The following ZNF407 variants were observed in gnomAD, a reference collection of about 807,000 sequenced individuals.
ZNF407 encodes zinc finger protein 407.
Under a neutral mutation model 131.2 loss-of-function variants are expected in ZNF407, and 17 were observed. That is an observed-to-expected ratio of 0.13 (90% CI 0.09 to 0.19). The LOEUF (loss-of-function observed/expected upper bound fraction) is 0.19, where lower values mean the gene tolerates loss of function less well. Among genes scored for constraint, ZNF407 ranks in the 10% least tolerant of loss-of-function variants. The pLI, the probability that ZNF407 is intolerant of heterozygous loss-of-function variation, is 1.00. For synonymous variants in ZNF407, 1,156 were observed against 1,062.0 expected, an observed-to-expected ratio of 1.09 and a Z score of -1.72; for missense variants, 2,681 against 2,830.6, an observed-to-expected ratio of 0.95 and a Z score of 1.20.
chr18:74,686,706 C>A lies in ZNF407; in HGVS notation c.4802+45584C>A, dbSNP rs78953175. Reference sequence around the variant, plus strand: ...AGATTGTAAACCACTGTTTCTAACTCTGTAGTCATTATTTTGTTATAGATG... The same window carrying A: ...AGATTGTAAACCACTGTTTCTAACTATGTAGTCATTATTTTGTTATAGATG... On this transcript the variant is annotated intron_variant, in intron 3 of 8. Coordinates refer to ENST00000299687, the MANE Select transcript of ZNF407 (RefSeq NM_017757.3). Among the ~76,000 whole-genome samples, 93 of 152,242 alleles carry A rather than the reference C, an allele frequency of 6.1e-4. No homozygotes were observed. In the Middle Eastern group the frequency reaches 0.014, roughly 22 times the overall value.
intron 3 of ZNF407, among the ~76,000 whole-genome samples, chr18:74,778,768 C>T (rs1402159213): frequency 6.6e-6 from 1 of 151,920 alleles, no homozygotes; most frequent in African/African-American, 2.4e-5. Context: ...TCTGTGTTTT[C>T]GTCATAGGTG....
At chr18:74,709,136 T>G (rs961361697) in intron 3 of ZNF407, among the ~76,000 whole-genome samples, 1 of 152,240 alleles carries the variant, frequency 6.6e-6, no homozygotes, top group Non-Finnish European at 1.5e-5. Flanking sequence ...TATTTTGAAA[T>G]GTTTTCCAGT....
intron 8 of ZNF407, among the ~76,000 whole-genome samples, chr18:74,994,692 C>T (rs1161346226): frequency 6.6e-6 from 1 of 152,118 alleles, no homozygotes; most frequent in East Asian, 1.9e-4. Flanking sequence ...ACTTTGGACA[C>T]GTGTCCTATG....
intron 3 of ZNF407, among the ~76,000 whole-genome samples, chr18:74,769,747 T>C (rs1008866363): frequency 1.3e-5 from 2 of 152,264 alleles, no homozygotes; most frequent in African/African-American, 2.4e-5. Flanking sequence ...TTTTCAACTC[T>C]AGACTGGAGC....
At chr18:74,709,293 T>G (rs1440790901) in intron 3 of ZNF407, among the ~76,000 whole-genome samples, 1 of 152,218 alleles carries the variant, frequency 6.6e-6, no homozygotes, top group African/African-American at 2.4e-5. Context: ...TGGAATTATT[T>G]CATTGAAATT....
intron 8 of ZNF407, among the ~76,000 whole-genome samples, chr18:75,043,025 T>C (rs1272155391): frequency 6.6e-6 from 1 of 152,184 alleles, no homozygotes; most frequent in South Asian, 2.1e-4. Flanking sequence ...GGTCTTTGTA[T>C]GGGCATGTGT....
intron 8 of ZNF407, among the ~76,000 whole-genome samples, chr18:74,978,656 G>A (rs1042299586): frequency 3.3e-5 from 5 of 151,574 alleles, no homozygotes; most frequent in African/African-American, 1.2e-4. Flanking sequence ...TGAGAAAGGA[G>A]GGGTAGAGTA....
At chr18:74,695,679 A>T (rs1433028350) in intron 3 of ZNF407, among the ~76,000 whole-genome samples, 1 of 152,184 alleles carries the variant, frequency 6.6e-6, no homozygotes, top group South Asian at 2.1e-4. Flanking sequence ...ATCTAGTTAC[A>T]TATATGTATA....
At chr18:74,825,223 A>G (rs976019397) in intron 4 of ZNF407, among the ~76,000 whole-genome samples, 3 of 152,136 alleles carry the variant, frequency 2.0e-5, no homozygotes, top group African/African-American at 7.2e-5. Context: ...TGACAAACCA[A>G]CAGCCATTAT....
intron 1 of ZNF407, among the ~76,000 whole-genome samples, chr18:74,602,418 G>T (rs1982623044): frequency 6.6e-6 from 1 of 152,128 alleles, no homozygotes; most frequent in Admixed American, 6.5e-5. Flanking sequence ...TTAACAGTTT[G>T]CTTCTCGAGT....
chr18:74,966,386 A>G (rs532505352), intron 8 of ZNF407, among the ~76,000 whole-genome samples: 1 of 152,156 alleles, frequency 6.6e-6, no homozygotes, highest in Non-Finnish European at 1.5e-5. Context: ...GCATGTGGAT[A>G]TCTAGTTTTC....
intron 4 of ZNF407, among the ~76,000 whole-genome samples, chr18:74,824,461 C>T (rs942901876): frequency 9.9e-5 from 15 of 151,922 alleles, no homozygotes; most frequent in South Asian, 4.2e-4. Context: ...ATAGATAGAC[C>T]GCTAGCCTGA....
chr18:74,926,500 A>G (rs779306360), intron 8 of ZNF407, among the ~76,000 whole-genome samples: 3 of 152,152 alleles, frequency 2.0e-5, no homozygotes, highest in Non-Finnish European at 2.9e-5. Context: ...CTTTCTAATG[A>G]CACATTTTAA....
intron 3 of ZNF407, among the ~76,000 whole-genome samples, chr18:74,672,558 G>C (rs1484656018): frequency 1.3e-5 from 2 of 151,824 alleles, no homozygotes; most frequent in East Asian, 3.9e-4. Flanking sequence ...TTGTTCATTG[G>C]AGCACTGTTT....
chr18:74,755,412 G>A (rs1192089820), intron 3 of ZNF407, among the ~76,000 whole-genome samples: 4 of 152,004 alleles, frequency 2.6e-5, no homozygotes, highest in South Asian at 4.2e-4. Flanking sequence ...TATTTTGTTC[G>A]TTAGTTGATG....
At chr18:74,691,816 G>A (rs985587583) in intron 3 of ZNF407, among the ~76,000 whole-genome samples, 3 of 152,066 alleles carry the variant, frequency 2.0e-5, no homozygotes, top group East Asian at 1.9e-4. Context: ...TTTATGGGCC[G>A]AGTTTGTCAG....
intron 8 of ZNF407, among the ~76,000 whole-genome samples, chr18:74,960,616 TCAGTGCTGG>T (rs1972330180): frequency 7.0e-6 from 1 of 142,990 alleles, no homozygotes; most frequent in African/African-American, 2.7e-5. Flanking sequence ...AGGTCTTGAG[TCAGTGCTGG>T]GTGGAGGGAT....
rs144999323 is a variant in ZNF407, at chr18:74,790,792, C to T, written c.4877+9290C>T. Reference sequence around the variant, plus strand: ...GTCTTGGTAGTTGCTTATAAAAGTCCGAATTAAAATTTTTTGTGAGGAATT... The same window carrying T: ...GTCTTGGTAGTTGCTTATAAAAGTCTGAATTAAAATTTTTTGTGAGGAATT... On this transcript the variant is annotated intron_variant, in intron 4 of 8. Coordinates refer to ENST00000299687, the MANE Select transcript of ZNF407 (RefSeq NM_017757.3). Among the ~76,000 whole-genome samples the T allele has an allele frequency of 3.6e-3, 552 of 152,024 alleles. 9 individuals are homozygous for T. The highest frequency in any genetic ancestry group is 0.029 in the South Asian group (137 of 4,804).
chr18:74,661,608 A>AT (rs1206954371), intron 3 of ZNF407, among the ~76,000 whole-genome samples: 1 of 151,950 alleles, frequency 6.6e-6, no homozygotes, highest in African/African-American at 2.4e-5. Flanking sequence ...TCAAAAGCAC[A>AT]TTTTTTTAGG....
Sources: allele counts gnomAD v4.1 joint callset (sites outside exome capture counted in the v4.1 genomes callset), GRCh38; gene constraint gnomAD v4.1.1; transcripts MANE v1.5; gene names NCBI Gene and HGNC (gene_info 2026-07-23, HGNC 2026-07-21).